CSMD1: variants seen among roughly 807,000 people sequenced by gnomAD.
The protein encoded by CSMD1 is CUB and Sushi multiple domains 1, also known as CUB and sushi domain-containing protein 1.
In CSMD1, 213 loss-of-function variants were observed where a neutral mutation model predicts 417.5. That is an observed-to-expected ratio of 0.51 (90% CI 0.46 to 0.57). The LOEUF is 0.57. Among genes scored for constraint, CSMD1 ranks in the 20% least tolerant of loss-of-function variants. CSMD1 has a pLI of 0.00. For synonymous variants in CSMD1, 2,862 were observed against 1,736.8 expected, an observed-to-expected ratio of 1.65 and a Z score of -16.11; for missense variants, 6,923 against 4,529.7, an observed-to-expected ratio of 1.53 and a Z score of -15.17.
At chr8:4,322,002 A>C (rs1184442995) in intron 3 of CSMD1, among the ~76,000 whole-genome samples, 1 of 152,120 alleles carries the variant, frequency 6.6e-6, no homozygotes, top group Non-Finnish European at 1.5e-5. Context: ...CTTCAAGAAG[A>C]AAATCAAAAA....
In CSMD1 at chr8:4,595,481, G is replaced by C. The variant is rs114393176; in HGVS notation, c.302+41861C>G. Among the ~76,000 whole-genome samples the C allele has an allele frequency of 8.0e-4, 122 of 151,798 alleles. 2 individuals carry two copies. Among genetic ancestry groups the C allele is most frequent in the African/African-American group, 2.9e-3 (120 of 41,476 alleles). On this transcript the variant is annotated intron_variant, in intron 2 of 69. Coordinates refer to ENST00000635120, the MANE Select transcript of CSMD1 (RefSeq NM_033225.6). ...TGTTCTGGTTCTGTGGCTTCCTTTGGAGTCCTCTCAAATGGTGGCAATTGT... is the reference window on the plus strand; with the variant it reads ...TGTTCTGGTTCTGTGGCTTCCTTTGCAGTCCTCTCAAATGGTGGCAATTGT...
At chr8:3,830,012 G>C (rs1401783822) in intron 5 of CSMD1, among the ~76,000 whole-genome samples, 1 of 152,054 alleles carries the variant, frequency 6.6e-6, no homozygotes, top group Non-Finnish European at 1.5e-5. Flanking sequence ...TGTTAACAAG[G>C]TAAGTGGATT....
At position 3,142,585 on chromosome 8, in the gene CSMD1, T is replaced by C. The variant is rs764215144; in HGVS notation, c.6121A>G (p.Ile2041Val). The C allele has an allele frequency of 5.0e-6, 8 of 1,613,994 alleles. No individual in the cohort carries two copies. Among genetic ancestry groups the C allele is most frequent in the Non-Finnish European group, 6.8e-6 (8 of 1,179,882 alleles). ...QNGPYHTSPM[I>V]GQFSGTDLPA... is the part of the protein sequence containing the mutation. The stretch of plus-strand genomic sequence containing the variant: ...AGATCCGTGCCGCTAAATTGTCCAA[T>C]CATGGGGCTGGTGTGGTAAGGTCCA... The change falls in exon 41 of 70, where the codon ATT becomes GTT. Residue 2041 changes from isoleucine (I) to valine (V), a missense_variant. Transcript: ENST00000635120.
chr8:3,563,568 A>AAAAC (rs1799566804), intron 10 of CSMD1, among the ~76,000 whole-genome samples: 1 of 152,042 alleles, frequency 6.6e-6, no homozygotes, highest in Non-Finnish European at 1.5e-5. Flanking sequence ...TTACTCACAA[A>AAAAC]AAAACAAAAC....
At chr8:4,291,580 G>A (rs1042246300) in intron 3 of CSMD1, among the ~76,000 whole-genome samples, 4 of 152,062 alleles carry the variant, frequency 2.6e-5, no homozygotes, top group Non-Finnish European at 5.9e-5. Flanking sequence ...TAAAGCTGAA[G>A]CGTAATATTT....
chr8:4,908,024 C>G (rs902281775), intron 1 of CSMD1, among the ~76,000 whole-genome samples: 1 of 147,426 alleles, frequency 6.8e-6, no homozygotes, highest in African/African-American at 2.7e-5. Flanking sequence ...AAAATAATTA[C>G]TTTTCTTCTG....
chr8:3,808,534 C>T (rs1800879875), intron 5 of CSMD1, among the ~76,000 whole-genome samples: 1 of 150,746 alleles, frequency 6.6e-6, no homozygotes, highest in Non-Finnish European at 1.5e-5. Flanking sequence ...GGTGAATTTA[C>T]ATGCAAAGTC....
chr8:3,838,858 T>C (rs1393761695), intron 5 of CSMD1, among the ~76,000 whole-genome samples: 1 of 119,626 alleles, frequency 8.4e-6, no homozygotes, highest in South Asian at 2.4e-4. Flanking sequence ...CTATTATATA[T>C]ACTATTAATT....
intron 3 of CSMD1, among the ~76,000 whole-genome samples, chr8:4,276,746 T>A (rs987371028): frequency 1.3e-4 from 20 of 152,340 alleles, no homozygotes; most frequent in African/African-American, 4.1e-4. Context: ...TATATGTGTT[T>A]TGATGTTTCT....
intron 3 of CSMD1, among the ~76,000 whole-genome samples, chr8:4,279,910 A>AT (rs1211333525): frequency 4.6e-5 from 7 of 152,264 alleles, no homozygotes; most frequent in Non-Finnish European, 1.0e-4. Flanking sequence ...TGTTCTATAC[A>AT]TTTTTTATTA....
chr8:4,035,507 G>A (rs768268283), intron 3 of CSMD1, among the ~76,000 whole-genome samples: 6 of 145,016 alleles, frequency 4.1e-5, no homozygotes, highest in African/African-American at 1.7e-4. Context: ...TCCTTGCCCC[G>A]AAGACCTTCT....
chr8:3,309,059 A>ATCTG (rs1158409938), intron 23 of CSMD1, among the ~76,000 whole-genome samples: 3 of 152,018 alleles, frequency 2.0e-5, no homozygotes, highest in African/African-American at 7.2e-5. Context: ...CCACAACTTC[A>ATCTG]TCTGTCAGTC....
At chr8:3,587,712 A>T (rs1267780006) in intron 8 of CSMD1, among the ~76,000 whole-genome samples, 4 of 152,166 alleles carry the variant, frequency 2.6e-5, no homozygotes, top group Non-Finnish European at 5.9e-5. Context: ...AAAATTAAAC[A>T]CATTTCTTTT....
chr8:4,366,996 G>A (rs919732099), intron 3 of CSMD1, among the ~76,000 whole-genome samples: 7 of 152,116 alleles, frequency 4.6e-5, no homozygotes, highest in African/African-American at 1.7e-4. Context: ...TCTGGAGGTT[G>A]TCTGCTTACT....
At chr8:3,261,000 C>A (rs1406284837) in intron 26 of CSMD1, among the ~76,000 whole-genome samples, 1 of 151,990 alleles carries the variant, frequency 6.6e-6, no homozygotes, top group African/African-American at 2.4e-5. Context: ...ACAACAACAA[C>A]AACAAACAAA....
At chr8:3,875,722 T>C (rs1025067487) in intron 5 of CSMD1, among the ~76,000 whole-genome samples, 4 of 152,000 alleles carry the variant, frequency 2.6e-5, no homozygotes, top group African/African-American at 7.3e-5. Context: ...CTCGAGTGGA[T>C]TGAGGAAAGA....
intron 1 of CSMD1, among the ~76,000 whole-genome samples, chr8:4,966,053 T>C (rs1403557759): frequency 1.3e-5 from 2 of 151,856 alleles, no homozygotes; most frequent in Non-Finnish European, 2.9e-5. Context: ...ACAATGACTT[T>C]TACCAATACT....
chr8:4,526,834 TG>T (rs767839773), intron 2 of CSMD1, among the ~76,000 whole-genome samples: 6 of 152,164 alleles, frequency 3.9e-5, no homozygotes, highest in Non-Finnish European at 5.9e-5. Flanking sequence ...AATCGACAAA[TG>T]TTTTTTTTCT....
At chr8:3,000,213 C>T in intron 52 of CSMD1, 82 bp from the exon 53 acceptor site, 1 of 977,824 alleles carries the variant, frequency 1.0e-6, no homozygotes, top group East Asian at 2.7e-5. Context: ...ATTATCAAGT[C>T]AATAACAGTA....
Sources: allele counts gnomAD v4.1 joint callset (sites outside exome capture counted in the v4.1 genomes callset), GRCh38; gene constraint gnomAD v4.1.1; transcripts MANE v1.5; gene names NCBI Gene and HGNC (gene_info 2026-07-23, HGNC 2026-07-21).